Variants in MEIG1 observed in about 807,000 individuals in gnomAD.
MEIG1 encodes meiosis/spermiogenesis associated 1, also known as meiosis expressed gene 1 protein homolog.
A neutral mutation model predicts 11.3 loss-of-function variants in MEIG1; 12 were observed. That is an observed-to-expected ratio of 1.07 (90% CI 0.68 to 1.73). MEIG1 has a LOEUF of 1.73. Among genes scored for constraint, MEIG1 ranks in the 40% most tolerant of loss-of-function variants. MEIG1 has a pLI of 0.00. For synonymous variants in MEIG1, 41 were observed against 33.2 expected (o/e 1.24, Z -0.81); for missense variants, 119 against 104.9 (o/e 1.13, Z -0.59).
At chr10:14,960,906 G>C (rs1843005229) in intron 1 of MEIG1, among the ~76,000 whole-genome samples, 1 of 152,110 alleles carries the variant, frequency 6.6e-6, no homozygotes, top group African/African-American at 2.4e-5. Flanking sequence ...GCGCATGCCT[G>C]TAATTCCAGC....
In MEIG1 at chr10:14,966,448, GATA is replaced by G. The variant is rs780747950; in HGVS notation, c.-16_-14del. Reference sequence around the variant, plus strand: ...GTTTTAACATCTTTCAGATATTATTGATAATAAGGCCTCTGTAACCATGGCTAG... The same window carrying G: ...GTTTTAACATCTTTCAGATATTATTGATAAGGCCTCTGTAACCATGGCTAG... On this transcript the variant is annotated 5_prime_UTR_variant, in exon 2 of 3. Transcript: ENST00000407572. The G allele has an allele frequency of 6.3e-7, 1 of 1,575,054 alleles. No homozygotes were observed. The highest frequency in any genetic ancestry group is 8.6e-7 in the Non-Finnish European group (1 of 1,166,206).
intron 1 of MEIG1, among the ~76,000 whole-genome samples, chr10:14,965,037 G>C (rs1479967433): frequency 6.6e-6 from 1 of 152,144 alleles, no homozygotes; most frequent in South Asian, 2.1e-4. Context: ...CCTGACTTCA[G>C]TCTCCCCAAC....
At chr10:14,972,469 C>T in intron 2 of MEIG1, 44 bp from the exon 3 acceptor site, 1 of 1,611,940 alleles carries the variant, frequency 6.2e-7, no homozygotes, top group Non-Finnish European at 8.5e-7. Context: ...AGATAAAAAT[C>T]AACCCTCCAT....
At chr10:14,961,638 A>ATTTTTTT (rs34536061) in intron 1 of MEIG1, among the ~76,000 whole-genome samples, 8 of 76,612 alleles carry the variant, frequency 1.0e-4, no homozygotes, top group East Asian at 1.0e-3. Context: ...CATCCGGCTA[A>ATTTTTTT]TTTTTTTTTT....
chr10:14,959,716 TC>T (rs2131257452), intron 1 of MEIG1, among the ~76,000 whole-genome samples, 159 bp downstream of exon 1: 1 of 152,232 alleles, frequency 6.6e-6, no homozygotes, highest in African/African-American at 2.4e-5. Flanking sequence ...TCATGTCTCT[TC>T]CGTGATTTTT....
At chr10:14,955,506 C>T (rs575757617), upstream of MEIG1, among the ~76,000 whole-genome samples, 2 of 152,192 alleles carry the variant, frequency 1.3e-5, no homozygotes, top group East Asian at 3.9e-4. Flanking sequence ...GAGTTCAGGA[C>T]CAGCCTGGAC....
At chr10:14,974,336 G>T (rs185497315), downstream of MEIG1, among the ~76,000 whole-genome samples, 58 of 152,308 alleles carry the variant, frequency 3.8e-4, no homozygotes, top group Non-Finnish European at 6.2e-4. Context: ...ATCAGCCCAG[G>T]TGGGGTTGTG....
At chr10:14,978,538 T>C (rs1236858078) in intron 1 of MEIG1, among the ~76,000 whole-genome samples, 1 of 151,952 alleles carries the variant, frequency 6.6e-6, no homozygotes, top group African/African-American at 2.4e-5. Flanking sequence ...AGAGGGATAT[T>C]AGCACTGAAG....
At chr10:14,983,831 G>A (rs1187457033) in intron 1 of MEIG1, among the ~76,000 whole-genome samples, 1 of 151,962 alleles carries the variant, frequency 6.6e-6, no homozygotes, top group Non-Finnish European at 1.5e-5. Context: ...CCTCCCAATA[G>A]CACAGAAAGC....
chr10:14,987,334 G>A lies in MEIG1; in HGVS notation n.285+320G>A, dbSNP rs548278542. 338 of 769,376 alleles carry A rather than the reference G, an allele frequency of 4.4e-4. 5 individuals carry two copies. The highest frequency in any genetic ancestry group is 4.3e-3 in the South Asian group (294 of 68,388). The allele number at this position is 769,376 out of a possible 1,614,324, so 47.7% of individuals were successfully genotyped here. On this transcript the variant is annotated intron_variant and non_coding_transcript_variant, in intron 2 of 2. Transcript: ENST00000467536. ...TCCTCAGAACCATGACCAGATACAA[G>A]GACAGGGACAGGGACAGGGACAGCA...
Position 14,972,820 on chromosome 10 carries a change from G to T in MEIG1, c.*179G>T. ...TCACCTTGTCCTGTTCTAAGAACTG[G>T]CTGCAGATGCATTAAAGTTGTACTT... On this transcript the variant is annotated 3_prime_UTR_variant, in exon 3 of 3. Transcript: ENST00000407572. 1 of 542,244 alleles carries T rather than the reference G, an allele frequency of 1.8e-6. No homozygotes were observed. The highest frequency in any genetic ancestry group is 3.5e-5 in the East Asian group (1 of 28,620). 33.6% of individuals were successfully genotyped at this position (542,244 alleles called of 1,614,324 possible). A position where few individuals can be genotyped will look rare whatever the true frequency, so the allele number is the denominator to read the frequency against.
At chr10:14,978,608 A>C (rs573386903) in intron 1 of MEIG1, among the ~76,000 whole-genome samples, 1 of 152,046 alleles carries the variant, frequency 6.6e-6, no homozygotes, top group South Asian at 2.1e-4. Flanking sequence ...TGTTACTCAT[A>C]TTGTCACAGG....
chr10:14,979,508 T>A (rs971273417), intron 1 of MEIG1, among the ~76,000 whole-genome samples: 3 of 151,978 alleles, frequency 2.0e-5, no homozygotes, highest in African/African-American at 7.3e-5. Flanking sequence ...GGGAGGATGT[T>A]ACTCCCAACG....
upstream of MEIG1, among the ~76,000 whole-genome samples, chr10:14,954,791 T>C (rs1441869458): frequency 6.6e-6 from 1 of 152,192 alleles, no homozygotes; most frequent in East Asian, 1.9e-4. Context: ...AGCAACTTTA[T>C]GAAAAGGTTT....
chr10:14,963,732 A>G (rs1427964516), intron 1 of MEIG1, among the ~76,000 whole-genome samples: 3 of 152,192 alleles, frequency 2.0e-5, no homozygotes, highest in African/African-American at 4.8e-5. Flanking sequence ...TGGGAGGCCG[A>G]GGTACACGAT....
At chr10:14,976,799 C>T (rs1843214659), downstream of MEIG1, among the ~76,000 whole-genome samples, 1 of 151,506 alleles carries the variant, frequency 6.6e-6, no homozygotes, top group Admixed American at 6.6e-5. Context: ...CATAATATTC[C>T]AGGAAAACGT....
downstream of MEIG1, among the ~76,000 whole-genome samples, chr10:14,974,717 TA>T (rs1209698340): frequency 2.0e-5 from 3 of 152,144 alleles, 1 homozygote; most frequent in African/African-American, 7.2e-5. Context: ...ATACTCACGA[TA>T]ACAATAAATG....
chr10:14,977,458 C>T (rs1240615541), downstream of MEIG1, among the ~76,000 whole-genome samples: 4 of 151,832 alleles, frequency 2.6e-5, no homozygotes, highest in Admixed American at 6.6e-5. Context: ...GGATGTACAC[C>T]GTGTGATATT....
At chr10:14,973,388 C>T (rs1843173819), downstream of MEIG1, among the ~76,000 whole-genome samples, 2 of 152,134 alleles carry the variant, frequency 1.3e-5, no homozygotes, top group Non-Finnish European at 2.9e-5. Context: ...AGTCCTTTGC[C>T]TCTTGCTGGG....
Sources: gnomAD v4.1 joint callset for allele counts (sites outside exome capture counted in the v4.1 genomes callset) on GRCh38, gnomAD v4.1.1 for gene constraint, MANE v1.5 for transcripts, NCBI Gene and HGNC (gene_info 2026-07-23, HGNC 2026-07-21) for gene names.